Variants in MARCHF11 observed in about 807,000 individuals in gnomAD.
MARCHF11 encodes E3 ubiquitin-protein ligase MARCHF11.
In MARCHF11, 29 loss-of-function variants were observed where a neutral mutation model predicts 37.3. The observed-to-expected ratio is 0.78, with a 90% CI of 0.58 to 1.06. The LOEUF (loss-of-function observed/expected upper bound fraction) is 1.06, where lower values mean the gene tolerates loss of function less well. Among genes scored for constraint, MARCHF11 ranks in the 50% least tolerant of loss-of-function variants. MARCHF11 has a pLI of 0.00. For missense variants in MARCHF11, 482 were observed against 533.4 expected (o/e 0.90, Z 0.95); for synonymous variants, 233 against 228.0 (o/e 1.02, Z -0.20).
At chr5:16,096,573 T>C (rs1204289372) in intron 2 of MARCHF11, among the ~76,000 whole-genome samples, 1 of 152,234 alleles carries the variant, frequency 6.6e-6, no homozygotes, top group Non-Finnish European at 1.5e-5. Context: ...AGCACTCCAA[T>C]AATTTCCACA....
At chr5:16,126,586 T>C (rs1449005523) in intron 2 of MARCHF11, among the ~76,000 whole-genome samples, 2 of 152,210 alleles carry the variant, frequency 1.3e-5, no homozygotes, top group Admixed American at 1.3e-4. Flanking sequence ...CTGCTTATAA[T>C]GATAGGGAAA....
At position 16,074,656 on chromosome 5, in the gene MARCHF11, C is replaced by T. The variant is rs186459217; in HGVS notation, c.887-6863G>A. Among the ~76,000 whole-genome samples the T allele has an allele frequency of 5.9e-5, 9 of 152,212 alleles. No individual in the cohort carries two copies. The East Asian group carries it at 1.5e-3, about 26-fold the overall frequency. On this transcript the variant is annotated intron_variant, in intron 3 of 3. Transcript: ENST00000332432. ...CAGCTCAAAGGCTCAAACACAGATG[C>T]ATCATTACCACTGATAAAATAAAAT...
chr5:16,121,952 C>T (rs1737315227), intron 2 of MARCHF11, among the ~76,000 whole-genome samples: 1 of 152,168 alleles, frequency 6.6e-6, no homozygotes, highest in South Asian at 2.1e-4. Flanking sequence ...GACTGCAGCT[C>T]ATTGGTGCTA....
In MARCHF11 at chr5:16,179,266, C is replaced by T; in HGVS notation, c.310G>A (p.Glu104Lys). 2 of 1,316,300 alleles carry T rather than the reference C, an allele frequency of 1.5e-6. No individual in the cohort carries two copies. Among genetic ancestry groups the T allele is most frequent in the Non-Finnish European group, 1.9e-6 (2 of 1,030,622 alleles). 81.5% of individuals were successfully genotyped at this position (1,316,300 alleles called of 1,614,324 possible). A position where few individuals can be genotyped will look rare whatever the true frequency, so the allele number is the denominator to read the frequency against. The change falls in exon 1 of 4, where the codon GAA becomes AAA. Residue 104 changes from glutamate to lysine, a missense_variant. By Grantham distance (56) the Glu-to-Lys change is moderately conservative. Coordinates refer to ENST00000332432, the MANE Select transcript of MARCHF11 (RefSeq NM_001102562.3). ...GCCTCCGGGAGGCGCCTCGGACCTT[C>T]CCCGGAGTCGCCGGCCGCCGCCACT... ...QEVAAAGDSG[E>K]GPRRLPEAAA... is the part of the protein sequence containing the mutation.
At chr5:16,095,507 A>AGGGAGGGAGGGC in intron 2 of MARCHF11, among the ~76,000 whole-genome samples, 1 of 149,982 alleles carries the variant, frequency 6.7e-6, no homozygotes, top group African/African-American at 2.5e-5. Flanking sequence ...GGAGGGAGGG[A>AGGGAGGGAGGGC]GATCCCTCAA....
intron 2 of MARCHF11, among the ~76,000 whole-genome samples, chr5:16,169,907 C>G (rs959111564): frequency 1.3e-5 from 2 of 152,038 alleles, no homozygotes; most frequent in African/African-American, 4.8e-5. Flanking sequence ...AGAAAGAAGC[C>G]GAGTTTCCTT....
chr5:16,121,445 G>A (rs1038822290), intron 2 of MARCHF11, among the ~76,000 whole-genome samples: 14 of 152,062 alleles, frequency 9.2e-5, no homozygotes, highest in South Asian at 4.1e-4. Flanking sequence ...GTATATACTC[G>A]TTACGTAAAC....
At chr5:16,168,235 G>A (rs1212804791) in intron 2 of MARCHF11, among the ~76,000 whole-genome samples, 1 of 151,998 alleles carries the variant, frequency 6.6e-6, no homozygotes, top group Non-Finnish European at 1.5e-5. Flanking sequence ...TAGTATTCAG[G>A]TTGAGGGCAG....
chr5:16,124,484 CA>C (rs1356796635), intron 2 of MARCHF11, among the ~76,000 whole-genome samples: 1 of 152,058 alleles, frequency 6.6e-6, no homozygotes, highest in African/African-American at 2.4e-5. Context: ...ATCCTGAACT[CA>C]AAAGTAAGAC....
At chr5:16,142,071 G>C (rs990448140) in intron 2 of MARCHF11, among the ~76,000 whole-genome samples, 6 of 152,162 alleles carry the variant, frequency 3.9e-5, no homozygotes. Context: ...TTTTTAAGAG[G>C]AAAACTAGCA....
At chr5:16,158,163 G>A (rs1339701429) in intron 2 of MARCHF11, among the ~76,000 whole-genome samples, 2 of 151,842 alleles carry the variant, frequency 1.3e-5, no homozygotes, top group African/African-American at 4.8e-5. Context: ...TATTGTCAAA[G>A]AGACGAAAGA....
chr5:16,067,507 GCTGTTATCTT>G lies in MARCHF11; in HGVS notation c.1163_1172del (p.Glu388AlafsTer6), dbSNP rs1457201628. ...TCACTCTCATCACAACCTCCCCCGA[GCTGTTATCTT>G]CTGATAAGTCTTCATGGGGCCTCAT... On this transcript the variant is annotated frameshift_variant, in exon 4 of 4. Transcript: ENST00000332432. LOFTEE classifies it high-confidence loss of function. 1 of 1,613,820 alleles carries G rather than the reference GCTGTTATCTT, an allele frequency of 6.2e-7. No individual in the cohort carries two copies.
At chr5:16,149,825 A>G (rs1457248368) in intron 2 of MARCHF11, among the ~76,000 whole-genome samples, 2 of 152,122 alleles carry the variant, frequency 1.3e-5, no homozygotes, top group African/African-American at 4.8e-5. Flanking sequence ...CCCGTGGTAC[A>G]TCCATACAAT....
In MARCHF11 at chr5:16,067,357, TAA is replaced by T. The variant is rs1389975473; in HGVS notation, c.*112_*113del. On this transcript the variant is annotated 3_prime_UTR_variant, in exon 4 of 4. Coordinates refer to ENST00000332432, the MANE Select transcript of MARCHF11 (RefSeq NM_001102562.3). ...AATTCAAATGTTCATATAAAAAGCA[TAA>T]ATTTTAAAAAGTTCATAGATGTGTT... The T allele has an allele frequency of 4.1e-6, 4 of 964,348 alleles. No homozygotes were observed. The highest frequency in any genetic ancestry group is 1.6e-5 in the African/African-American group (1 of 61,228). The allele number at this position is 964,348 out of a possible 1,614,324, so 59.7% of individuals were successfully genotyped here. A position where few individuals can be genotyped will look rare whatever the true frequency, so the allele number is the denominator to read the frequency against.
Position 16,177,892 on chromosome 5 carries a change from A to G in MARCHF11, c.538-11T>C. The G allele has an allele frequency of 6.2e-7, 1 of 1,602,638 alleles. No individual in the cohort carries two copies. The highest frequency in any genetic ancestry group is 1.1e-5 in the South Asian group (1 of 88,486). The stretch of plus-strand genomic sequence containing the variant: ...GTTCAACAACTCACCCTAAAAAGAA[A>G]ACAGCTCAGTGTGAATATCTGTGTC... On this transcript the variant is annotated splice_polypyrimidine_tract_variant and intron_variant, in intron 1 of 3. Transcript: ENST00000332432.
At chr5:16,100,670 A>G (rs759244472) in intron 2 of MARCHF11, among the ~76,000 whole-genome samples, 1 of 152,184 alleles carries the variant, frequency 6.6e-6, no homozygotes, top group Non-Finnish European at 1.5e-5. Context: ...CCAGGTGCCA[A>G]GTCTTTGGAA....
chr5:16,175,029 C>T (rs564327071), intron 2 of MARCHF11, among the ~76,000 whole-genome samples: 3 of 152,270 alleles, frequency 2.0e-5, no homozygotes, highest in South Asian at 2.1e-4. Flanking sequence ...CAGTGAAAAG[C>T]AGCAGCCACA....
chr5:16,168,972 A>C (rs908314392), intron 2 of MARCHF11, among the ~76,000 whole-genome samples: 1 of 152,080 alleles, frequency 6.6e-6, no homozygotes, highest in African/African-American at 2.4e-5. Flanking sequence ...AACAGGGCCA[A>C]ATTATTTCCT....
chr5:16,157,194 G>A (rs1737991466), intron 2 of MARCHF11, among the ~76,000 whole-genome samples: 1 of 93,270 alleles, frequency 1.1e-5, no homozygotes, highest in Non-Finnish European at 2.1e-5. Context: ...AAAAGACATT[G>A]AAGAAGACAT....
Sources: gnomAD v4.1 joint callset for allele counts (sites outside exome capture counted in the v4.1 genomes callset) on GRCh38, gnomAD v4.1.1 for gene constraint, MANE v1.5 for transcripts, NCBI Gene and HGNC (gene_info 2026-07-23, HGNC 2026-07-21) for gene names.